The following RGS11 variants were observed in gnomAD, a reference collection of about 807,000 sequenced individuals.
RGS11 encodes regulator of G-protein signaling 11.
RGS11 carries 86 observed loss-of-function variants against 71.1 expected under a neutral mutation model. The ratio of observed to expected loss-of-function variants is 1.21; its 90% CI spans 1.02 to 1.45. RGS11 has a LOEUF of 1.45. Among genes scored for constraint, RGS11 ranks in the 40% most tolerant of loss-of-function variants. The pLI is 0.00. For synonymous variants in RGS11, 298 were observed against 254.2 expected (o/e 1.17, Z -1.64); for missense variants, 734 against 635.1 (o/e 1.16, Z -1.67).
rs780245078 is a variant in RGS11 at position 273,573 on chromosome 16, G to A, written c.507-17C>T. 2.4e-5 allele frequency: 38 copies of A among 1,556,216 alleles called. No homozygotes were observed. The highest frequency in any genetic ancestry group is 3.5e-5 in the South Asian group (3 of 85,034). ...TTGGCTGCCCTGGGAGGAGGAGGCC[G>A]AGTTGAGGGCACGCCCTGCACACAG... On this transcript the variant is annotated splice_polypyrimidine_tract_variant and intron_variant, in intron 7 of 16. Coordinates refer to ENST00000397770, the MANE Select transcript of RGS11 (RefSeq NM_183337.3).
chr16:271,641 C>T, intron 9 of RGS11, 72 bp from the exon 10 acceptor site: 2 of 1,460,808 alleles, frequency 1.4e-6, no homozygotes, highest in African/African-American at 1.4e-5. Context: ...AGCAGGAGGG[C>T]ACCTCCCCAG....
rs1329300795 is a variant in RGS11, at chr16:268,454, A to AC, written c.*814dup. The AC allele has an allele frequency of 2.3e-5, 10 of 436,102 alleles. No individual in the cohort carries two copies. In the South Asian group the frequency reaches 2.5e-4, roughly 11 times the overall value. The allele number at this position is 436,102 out of a possible 1,614,324, so 27.0% of individuals were successfully genotyped here. ...TGCACCCCCGAAAGGAGCCAGCTGT[A>AC]CCTTCACCCAGTCTGGGGGACTGGT... On this transcript the variant is annotated 3_prime_UTR_variant, in exon 17 of 17. Transcript: ENST00000397770.
chr16:274,377 G>A, intron 4 of RGS11, 112 bp from the exon 5 acceptor site: 1 of 1,173,528 alleles, frequency 8.5e-7, no homozygotes. Context: ...GGAGGTGTCT[G>A]AGGATCTCCC....
At position 275,855 on chromosome 16, in the gene RGS11, C is replaced by T; in HGVS notation, c.57G>A (p.Leu19=). The change falls in exon 1 of 17, where the codon CTG becomes CTA. Residue 19 remains leucine (L), a synonymous_variant. Transcript: ENST00000397770. ...PGRPRAQMPH[L]RKMERVVVSM... Reference sequence around the variant, plus strand: ...ACACCCACCCGCCTCGCACCTTCCTCAGATGCGGCATCTGCGCCCGGGGGC... The same window carrying T: ...ACACCCACCCGCCTCGCACCTTCCTTAGATGCGGCATCTGCGCCCGGGGGC... 9.4e-7 allele frequency: 1 copy of T among 1,059,446 alleles called. No homozygotes were observed. Among genetic ancestry groups the T allele is most frequent in the African/African-American group, 1.7e-5 (1 of 58,506 alleles). 65.6% of individuals were successfully genotyped at this position (1,059,446 alleles called of 1,614,324 possible).
rs775656899 is a variant in RGS11, at chr16:273,845, A to G, written c.430-9T>C. ...AGCCGGTCATAGCAGTCCTGGGGGC[A>G]GCGAGGTTTCCAGTGGGTCACCCCG... On this transcript the variant is annotated splice_polypyrimidine_tract_variant and intron_variant, in intron 6 of 16. Transcript: ENST00000397770. 1.2e-6 allele frequency: 2 copies of G among 1,613,230 alleles called. No individual in the cohort carries two copies. Among genetic ancestry groups the G allele is most frequent in the East Asian group, 2.2e-5 (1 of 44,874 alleles).
In RGS11 at chr16:268,686, C is replaced by G; in HGVS notation, c.*583G>C. On this transcript the variant is annotated 3_prime_UTR_variant, in exon 17 of 17. Coordinates refer to ENST00000397770, the MANE Select transcript of RGS11 (RefSeq NM_183337.3). ...GCGCACCTGTGGACAAATTCTGGAACGCGTTTGGCGAGGGAGGAATAGGCG... is the reference window on the plus strand; with the variant it reads ...GCGCACCTGTGGACAAATTCTGGAAGGCGTTTGGCGAGGGAGGAATAGGCG... 2.2e-6 allele frequency: 3 copies of G among 1,372,796 alleles called. No individual in the cohort carries two copies. The highest frequency in any genetic ancestry group is 1.0e-6 in the Non-Finnish European group (1 of 1,003,686). 85.0% of individuals were successfully genotyped at this position (1,372,796 alleles called of 1,614,324 possible).
In RGS11 at chr16:270,991, C is replaced by T; in HGVS notation, c.972G>A (p.Glu324=). Residue 324 remains glutamate (E), a synonymous_variant, in exon 13 of 17, where the codon GAG becomes GAA. Transcript: ENST00000397770. ...GGGCTGGGGGGTTCTCACCACTGAA[C>T]TCCTTTCCCAGAAAGTCCATGAAGT... is the stretch of plus-strand genomic sequence containing the variant. ...RAHFMDFLGK[E]FSGENLSFWE... The T allele has an allele frequency of 6.2e-7, 1 of 1,611,370 alleles. No homozygotes were observed.
At chr16:271,134 G>T (rs767748645) in intron 12 of RGS11, 35 bp from the exon 13 acceptor site, 37 of 1,597,374 alleles carry the variant, frequency 2.3e-5, no homozygotes, top group Admixed American at 6.7e-5. Context: ...GGAGGGTGGG[G>T]ACTGACCCTC....
Position 268,802 on chromosome 16 carries a change from C to A in RGS11, c.*467G>T, listed in dbSNP as rs1468979164. ...CTCACACTGGGCGACAGCGGAGAGG[C>A]TCTTGGACGGGGCAGAGCTCGCGCC... On this transcript the variant is annotated 3_prime_UTR_variant, in exon 17 of 17. Coordinates refer to ENST00000397770, the MANE Select transcript of RGS11 (RefSeq NM_183337.3). The A allele has an allele frequency of 1.2e-5, 18 of 1,550,382 alleles. No homozygotes were observed. Among genetic ancestry groups the A allele is most frequent in the Non-Finnish European group, 1.6e-5 (18 of 1,146,990 alleles).
chr16:272,615 G>C, intron 9 of RGS11: 4 of 1,412,836 alleles, frequency 2.8e-6, no homozygotes, highest in East Asian at 2.8e-5. Context: ...CTCCCCGCCA[G>C]CCCCCTCGTC....
Position 271,550 on chromosome 16 carries a change from T to C in RGS11, c.677A>G (p.His226Arg), listed in dbSNP as rs1305600773. Residue 226 changes from histidine (H) to arginine (R), a missense_variant, in exon 10 of 17, where the codon CAT becomes CGT. Coordinates refer to ENST00000397770, the MANE Select transcript of RGS11 (RefSeq NM_183337.3). ...RVLMTKSADF[H>R]KREIEYFRKA... ...AGCTCCAGAACTTACCTCCCGCTTA[T>C]GGAAATCTGCACTCTTGGTCTAGAA... The C allele has an allele frequency of 1.2e-6, 2 of 1,613,980 alleles. No individual in the cohort carries two copies. The highest frequency in any genetic ancestry group is 3.3e-5 in the Admixed American group (2 of 60,026).
chr16:275,520 G>T (rs1596920974), intron 1 of RGS11, 22 bp from the exon 2 acceptor site: 3 of 1,525,722 alleles, frequency 2.0e-6, no homozygotes, highest in African/African-American at 2.7e-5. Context: ...GAGTCGTCAG[G>T]GGGTGTCTGG....
rs1468373206 is a variant in RGS11 at position 271,045 on chromosome 16, C to A, written c.918G>T (p.Glu306Asp). The A allele has an allele frequency of 1.6e-5, 26 of 1,612,402 alleles. No homozygotes were observed. In the East Asian group the frequency reaches 5.8e-4, roughly 36 times the overall value. ...RVERWGFSFRELLEDPVGRAH... is the reference protein window; with the variant it reads ...RVERWGFSFRDLLEDPVGRAH... ...CCCGCCCCACGGGGTCCTCCAGGAGCTCCCGGAAGCTGAAGCCCCATCTCT... is the reference window on the plus strand; with the variant it reads ...CCCGCCCCACGGGGTCCTCCAGGAGATCCCGGAAGCTGAAGCCCCATCTCT... The change falls in exon 13 of 17, where the codon GAG becomes GAT. Residue 306 changes from glutamate (E) to aspartate (D), a missense_variant. Coordinates refer to ENST00000397770, the MANE Select transcript of RGS11 (RefSeq NM_183337.3).
Position 270,655 on chromosome 16 carries a change from G to C in RGS11, c.1074C>G (p.Phe358Leu). The change falls in exon 15 of 17, where the codon TTC (phenylalanine) becomes TTG (leucine). Residue 358 changes from phenylalanine to leucine, a missense_variant. Physicochemically the swap from Phe to Leu is conservative, Grantham distance 22. Transcript: ENST00000397770. ...CCCAGTGGGCAGCTCCGGGGGCCAG[G>C]AACTGCCTAGGGGTGGGGACAGCAC... ...PTLVDAVYEQ[F>L]LAPGAAHWVN... The C allele has an allele frequency of 6.2e-7, 1 of 1,610,040 alleles. No individual in the cohort carries two copies. Among genetic ancestry groups the C allele is most frequent in the South Asian group, 1.1e-5 (1 of 90,448 alleles).
rs894842198 is a variant in RGS11, at chr16:268,842, C to A, written c.*427G>T. 1.9e-6 allele frequency: 3 copies of A among 1,550,408 alleles called. No individual in the cohort carries two copies. The East Asian group carries it at 7.3e-5, about 38-fold the overall frequency. Reference sequence around the variant, plus strand: ...GAGCTCGCGCCGAGACCTGCATGTCCGCGTCTTGTGACGGGTGTGTGGGAA... The same window carrying A: ...GAGCTCGCGCCGAGACCTGCATGTCAGCGTCTTGTGACGGGTGTGTGGGAA... On this transcript the variant is annotated 3_prime_UTR_variant, in exon 17 of 17. Transcript: ENST00000397770.
intron 9 of RGS11, chr16:272,640 T>TA (rs2051989799): frequency 1.4e-6 from 2 of 1,461,094 alleles, no homozygotes; most frequent in Non-Finnish European, 1.8e-6. Flanking sequence ...CCACTCCACT[T>TA]ACCTGCACCC....
chr16:268,772 C>T lies in RGS11; in HGVS notation c.*497G>A. Reference sequence around the variant, plus strand: ...GCACGGCACTCTCTTGGGTCCTCTTCCAGGCTCACACTGGGCGACAGCGGA... The same window carrying T: ...GCACGGCACTCTCTTGGGTCCTCTTTCAGGCTCACACTGGGCGACAGCGGA... On this transcript the variant is annotated 3_prime_UTR_variant, in exon 17 of 17. Transcript: ENST00000397770. The T allele has an allele frequency of 1.9e-6, 3 of 1,549,698 alleles. No homozygotes were observed. The highest frequency in any genetic ancestry group is 2.6e-6 in the Non-Finnish European group (3 of 1,146,900).
intron 9 of RGS11, 159 bp downstream of exon 9, chr16:272,704 C>G: frequency 2.0e-6 from 3 of 1,478,474 alleles, no homozygotes; most frequent in Non-Finnish European, 1.8e-6. Context: ...GCCTGGGGAA[C>G]AGGGAGTGAC....
chr16:271,626 T>TTTTGGA, intron 9 of RGS11, 57 bp from the exon 10 acceptor site: 1 of 1,550,454 alleles, frequency 6.4e-7, no homozygotes, highest in Non-Finnish European at 8.9e-7. Context: ...GGGTCCAAAA[T>TTTTGGA]CCCCAGCAGG....
Sources: gnomAD v4.1 joint callset for allele counts on GRCh38, gnomAD v4.1.1 for gene constraint, MANE v1.5 for transcripts, NCBI Gene and HGNC (gene_info 2026-07-23, HGNC 2026-07-21) for gene names.